C17orf99: variants seen among roughly 807,000 people sequenced by gnomAD.
C17orf99 encodes the protein protein IL-40.
In C17orf99, 18 loss-of-function variants were observed where a neutral mutation model predicts 22.6. The ratio of observed to expected loss-of-function variants is 0.80; its 90% CI spans 0.55 to 1.18. C17orf99 has a LOEUF of 1.18. Ranked by LOEUF, C17orf99 falls within the 50% of genes most tolerant of loss-of-function variation. The probability of loss-of-function intolerance (pLI) is 0.00; values close to 1 mark genes in which losing one functional copy is unlikely to be tolerated. For missense variants in C17orf99, 328 were observed against 342.7 expected (o/e 0.96, Z 0.34); for synonymous variants, 147 against 136.6 (o/e 1.08, Z -0.53).
At chr17:78,163,929 G>A (rs1185343799) in intron 3 of C17orf99, among the ~76,000 whole-genome samples, 166 bp from the exon 4 acceptor site, 1 of 152,254 alleles carries the variant, frequency 6.6e-6, no homozygotes, top group Non-Finnish European at 1.5e-5. Flanking sequence ...GGCAGGTAGG[G>A]CAGCAGCCCA....
chr17:78,158,026 C>G, intron 2 of C17orf99: 1 of 1,367,086 alleles, frequency 7.3e-7, no homozygotes, highest in Non-Finnish European at 1.0e-6. Flanking sequence ...TGATTGGCAT[C>G]CAGGATGGGC....
chr17:78,150,031 C>T (rs1186487034), intron 2 of C17orf99, among the ~76,000 whole-genome samples: 3 of 144,856 alleles, frequency 2.1e-5, no homozygotes, highest in African/African-American at 7.8e-5. Context: ...TTTTTTGAGA[C>T]AGGGTCTTGC....
At position 78,154,066 on chromosome 17, in the gene C17orf99, C is replaced by T. The variant is rs1439234743; in HGVS notation, c.71-6889C>T. Among the ~76,000 whole-genome samples, 4 of 151,640 alleles carry T rather than the reference C, an allele frequency of 2.6e-5. No individual in the cohort carries two copies. The South Asian group carries it at 8.3e-4, about 32-fold the overall frequency. ...TCAGCCTCCCGAGTAGCTGGGACTA[C>T]AGGCTCGAGCCACCACACCGGGCTA... On this transcript the variant is annotated intron_variant, in intron 2 of 4. Coordinates refer to ENST00000340363, the MANE Select transcript of C17orf99 (RefSeq NM_001163075.2).
In C17orf99 at chr17:78,150,289, G is replaced by A. The variant is rs1158809820; in HGVS notation, c.70+3378G>A. Among the ~76,000 whole-genome samples, 6 of 152,308 alleles carry A rather than the reference G, an allele frequency of 3.9e-5. 1 individual carries two copies. The South Asian group carries it at 1.2e-3, about 32-fold the overall frequency. On this transcript the variant is annotated intron_variant, in intron 2 of 4. Transcript: ENST00000340363. ...CCCAAAGTGCTGGGATTACAGGCAT[G>A]AGCCACCCTGCCTGGCCTAATATTT...
At chr17:78,155,134 T>TG (rs1567818687) in intron 2 of C17orf99, among the ~76,000 whole-genome samples, 73 of 151,582 alleles carry the variant, frequency 4.8e-4, no homozygotes, top group African/African-American at 1.6e-3. Flanking sequence ...ATTTTTTTTT[T>TG]TTTTTTTTTG....
chr17:78,164,758 T>C, intron 4 of C17orf99: 15 of 1,294,030 alleles, frequency 1.2e-5, no homozygotes, highest in Non-Finnish European at 1.5e-5. Flanking sequence ...GTGGTGGGGC[T>C]TGCAGGGCAG....
intron 2 of C17orf99, among the ~76,000 whole-genome samples, chr17:78,147,792 C>T (rs766268714): frequency 6.6e-6 from 1 of 152,120 alleles, no homozygotes; most frequent in Non-Finnish European, 1.5e-5. Flanking sequence ...GCTTTAAAAA[C>T]GGATACATTG....
intron 2 of C17orf99, among the ~76,000 whole-genome samples, chr17:78,151,401 G>A (rs900907566): frequency 7.7e-6 from 1 of 130,048 alleles, no homozygotes; most frequent in African/African-American, 3.1e-5. Context: ...TCCAGCCTGA[G>A]CGACAGAGCA....
intron 2 of C17orf99, chr17:78,158,300 AT>A (rs113477288): frequency 0.061 from 19,399 of 318,374 alleles, 18 homozygotes; most frequent in East Asian, 0.094. Flanking sequence ...CCTCCTACAC[AT>A]TTTTTTTTTT....
intron 2 of C17orf99, among the ~76,000 whole-genome samples, chr17:78,147,672 G>C (rs560818896): frequency 6.6e-6 from 1 of 152,272 alleles, no homozygotes; most frequent in Admixed American, 6.5e-5. Context: ...AGGCCATCAG[G>C]TTACAGAGCA....
chr17:78,165,283 G>T, intron 4 of C17orf99: 1 of 986,470 alleles, frequency 1.0e-6, no homozygotes, highest in South Asian at 4.7e-5. Flanking sequence ...TCCTCTGCCC[G>T]TGGCCCAGGC....
chr17:78,161,767 C>T (rs1424189492), intron 3 of C17orf99, among the ~76,000 whole-genome samples: 1 of 151,590 alleles, frequency 6.6e-6, no homozygotes, highest in African/African-American at 2.4e-5. Context: ...TCGCTTGAAC[C>T]CGGGAGGCAG....
chr17:78,151,975 G>A (rs2075487376), intron 2 of C17orf99, among the ~76,000 whole-genome samples: 1 of 152,076 alleles, frequency 6.6e-6, no homozygotes, highest in Non-Finnish European at 1.5e-5. Flanking sequence ...AAGGGCCTTG[G>A]AGTCACTCAG....
intron 2 of C17orf99, among the ~76,000 whole-genome samples, chr17:78,152,153 A>G (rs2145776219): frequency 7.0e-6 from 1 of 142,844 alleles, no homozygotes; most frequent in East Asian, 2.1e-4. Context: ...CTTGCAGAGC[A>G]GATGAATTTT....
In C17orf99 at chr17:78,157,921, T is replaced by A. The variant is rs61754884; in HGVS notation, c.71-3034T>A. 7,611 of 1,153,530 alleles carry A rather than the reference T, an allele frequency of 6.6e-3. 396 individuals carry two copies. In the African/African-American group the frequency reaches 0.099, roughly 15 times the overall value. The allele number at this position is 1,153,530 out of a possible 1,614,324, so 71.5% of individuals were successfully genotyped here. A position where few individuals can be genotyped will look rare whatever the true frequency, so the allele number is the denominator to read the frequency against. On this transcript the variant is annotated intron_variant, in intron 2 of 4. Transcript: ENST00000340363. Reference sequence around the variant, plus strand: ...ACGGCCATGCCAAGGTCCACCTGGTTGGTACTGACATCTTTACTGGGAAGA... The same window carrying A: ...ACGGCCATGCCAAGGTCCACCTGGTAGGTACTGACATCTTTACTGGGAAGA...
At chr17:78,161,462 G>A (rs2075576166) in intron 3 of C17orf99, among the ~76,000 whole-genome samples, 2 of 152,116 alleles carry the variant, frequency 1.3e-5, no homozygotes, top group African/African-American at 4.8e-5. Flanking sequence ...GGGCCCTGAG[G>A]GCACAGTCTC....
intron 2 of C17orf99, chr17:78,157,333 G>GC: frequency 1.6e-6 from 1 of 644,706 alleles, no homozygotes; most frequent in East Asian, 5.7e-5. Context: ...TTCAGCAGCG[G>GC]CGGCGGCGGC....
intron 2 of C17orf99, among the ~76,000 whole-genome samples, chr17:78,150,002 C>T (rs1422933463): frequency 2.7e-5 from 4 of 150,510 alleles, no homozygotes; most frequent in Admixed American, 2.6e-4. Context: ...AGCCACCACG[C>T]CCGGAAGCTA....
Position 78,161,094 on chromosome 17 carries a change from G to A in C17orf99, c.210G>A (p.Val70=). ...YSLCGTKNIK[V]AKKVVKTHEP... is the part of the protein sequence containing the mutation. ...TCTGTGGAACCAAGAACATCAAGGT[G>A]GCCAAGAAGGTGGTGAAGACCCACG... Residue 70 remains valine, a synonymous_variant, in exon 3 of 5, where the codon GTG becomes GTA. Coordinates refer to ENST00000340363, the MANE Select transcript of C17orf99 (RefSeq NM_001163075.2). 1 of 1,551,780 alleles carries A rather than the reference G, an allele frequency of 6.4e-7. No homozygotes were observed. Among genetic ancestry groups the A allele is most frequent in the Non-Finnish European group, 8.7e-7 (1 of 1,147,022 alleles).
Sources: allele counts gnomAD v4.1 joint callset (sites outside exome capture counted in the v4.1 genomes callset), GRCh38; gene constraint gnomAD v4.1.1; transcripts MANE v1.5; gene names NCBI Gene and HGNC (gene_info 2026-07-23, HGNC 2026-07-21).